The following JOSD2 variants were observed in gnomAD, a reference collection of about 807,000 sequenced individuals.
JOSD2 encodes josephin-2.
JOSD2 carries 20 observed loss-of-function variants against 19.3 expected under a neutral mutation model. The observed-to-expected ratio is 1.04, with a 90% CI of 0.73 to 1.51. The LOEUF (loss-of-function observed/expected upper bound fraction) is 1.51. Ranked by LOEUF, JOSD2 falls within the 40% of genes most tolerant of loss-of-function variation. The probability of loss-of-function intolerance (pLI) is 0.00; values close to 1 mark genes in which losing one functional copy is unlikely to be tolerated. For missense variants in JOSD2, 215 were observed against 250.4 expected, an observed-to-expected ratio of 0.86 and a Z score of 0.95; for synonymous variants, 118 against 123.7, an observed-to-expected ratio of 0.95 and a Z score of 0.31.
chr19:50,507,845 C>G, intron 2 of JOSD2, 146 bp from the exon 3 acceptor site: 1 of 999,176 alleles, frequency 1.0e-6, no homozygotes, highest in East Asian at 2.6e-5. Context: ...AGTCCTGCCT[C>G]TCCTGCCCCA....
chr19:50,510,102 G>T, intron 2 of JOSD2, 184 bp downstream of exon 2: 1 of 605,960 alleles, frequency 1.7e-6, no homozygotes, highest in Non-Finnish European at 2.9e-6. Context: ...GGCTGGGGCT[G>T]AGGCCACAGG....
intron 1 of JOSD2, 188 bp downstream of exon 1, chr19:50,510,929 A>G: frequency 2.8e-6 from 1 of 354,436 alleles, no homozygotes; most frequent in Non-Finnish European, 5.7e-6. Flanking sequence ...TTCCCCGGTC[A>G]TGTAGCAGCG....
At chr19:50,507,497 C>A in intron 3 of JOSD2, 77 bp downstream of exon 3, 2 of 1,508,920 alleles carry the variant, frequency 1.3e-6, no homozygotes, top group Non-Finnish European at 1.8e-6. Context: ...ATTCCCCTCC[C>A]TGCCCCCCAA....
Position 50,506,255 on chromosome 19 carries a change from G to T in JOSD2, c.485C>A (p.Ala162Glu). The T allele has an allele frequency of 6.2e-7, 1 of 1,612,622 alleles. No homozygotes were observed. Among genetic ancestry groups the T allele is most frequent in the Non-Finnish European group, 8.5e-7 (1 of 1,179,788 alleles). ...EDGVRAFLAA[A>E]LAQGLCEVLL... ...CACCTCGCACAGGCCCTGGGCCAGCGCAGCCGCCAGGAAGGCCCTGGGTGG... is the reference window on the plus strand; with the variant it reads ...CACCTCGCACAGGCCCTGGGCCAGCTCAGCCGCCAGGAAGGCCCTGGGTGG... Residue 162 changes from alanine (A) to glutamate (E), a missense_variant, in exon 5 of 5, where the codon GCG (alanine) becomes GAG (glutamate). Coordinates refer to ENST00000598418, the MANE Select transcript of JOSD2 (RefSeq NM_001270639.2).
At chr19:50,510,584 C>T (rs548641609) in intron 1 of JOSD2, 136 bp from the exon 2 acceptor site, 2 of 736,494 alleles carry the variant, frequency 2.7e-6, no homozygotes, top group Non-Finnish European at 2.2e-6. Flanking sequence ...CCCCTGACCC[C>T]GCTCCCTGGC....
rs975519981 is a variant in JOSD2, at chr19:50,506,675, T to A, written c.273-103A>T. 4.7e-6 allele frequency: 5 copies of A among 1,058,130 alleles called. No individual in the cohort carries two copies. In the South Asian group the frequency reaches 8.3e-5, roughly 17 times the overall value. 65.5% of individuals were successfully genotyped at this position (1,058,130 alleles called of 1,614,324 possible). A position where few individuals can be genotyped will look rare whatever the true frequency, so the allele number is the denominator to read the frequency against. ...CAGGCTGGTGGTGGTGAGGGCCTCC[T>A]GAGCCCACCCAGAGGTGTTCCTTAA... On this transcript the variant is annotated intron_variant, in intron 3 of 4. Transcript: ENST00000598418.
At position 50,506,051 on chromosome 19, in the gene JOSD2, GT is replaced by G; in HGVS notation, c.*121del. 2.3e-6 allele frequency: 2 copies of G among 870,938 alleles called. No homozygotes were observed. Among genetic ancestry groups the G allele is most frequent in the Non-Finnish European group, 3.6e-6 (2 of 562,830 alleles). 54.0% of individuals were successfully genotyped at this position (870,938 alleles called of 1,614,324 possible). ...AGCAGCGGCAGTGGGGAGCAGGGGTGTGGGGAGGGGGCGGGGCCTCCCCAGG... is the reference window on the plus strand; with the variant it reads ...AGCAGCGGCAGTGGGGAGCAGGGGTGGGGGAGGGGGCGGGGCCTCCCCAGG... On this transcript the variant is annotated 3_prime_UTR_variant, in exon 5 of 5. Transcript: ENST00000598418.
chr19:50,506,867 T>C (rs1337085566), intron 3 of JOSD2, among the ~76,000 whole-genome samples: 1 of 140,706 alleles, frequency 7.1e-6, no homozygotes, highest in Non-Finnish European at 1.5e-5. Flanking sequence ...ACCCTGTCTG[T>C]CCAGCCACCC....
chr19:50,509,438 T>C (rs978838816), intron 2 of JOSD2, among the ~76,000 whole-genome samples: 3 of 151,960 alleles, frequency 2.0e-5, no homozygotes, highest in African/African-American at 7.3e-5. Flanking sequence ...GAACATTCCA[T>C]GCTGGCAGAG....
At chr19:50,507,931 G>T (rs1480170302) in intron 2 of JOSD2, 1 of 490,908 alleles carries the variant, frequency 2.0e-6, no homozygotes, top group African/African-American at 2.6e-5. Context: ...CTCCTGCCCC[G>T]ACTCTGCCCT....
chr19:50,509,861 G>A (rs74732309), intron 2 of JOSD2, among the ~76,000 whole-genome samples: 35,774 of 151,390 alleles, frequency 0.24, 4,284 homozygotes, highest in Middle Eastern at 0.29. Context: ...AGACCATCCC[G>A]GCTAACATGG....
At chr19:50,506,610 G>A in intron 3 of JOSD2, 38 bp from the exon 4 acceptor site, 1 of 1,450,948 alleles carries the variant, frequency 6.9e-7, no homozygotes, top group Non-Finnish European at 9.1e-7. Flanking sequence ...ATCAGGGCCT[G>A]CTCCGCCCGC....
At chr19:50,508,890 C>G (rs1199678908) in intron 2 of JOSD2, among the ~76,000 whole-genome samples, 1 of 152,042 alleles carries the variant, frequency 6.6e-6, no homozygotes, top group African/African-American at 2.4e-5. Context: ...GGCTGGGACT[C>G]TTAAGATGTC....
At chr19:50,510,532 T>C in intron 1 of JOSD2, 84 bp from the exon 2 acceptor site, 2 of 1,323,650 alleles carry the variant, frequency 1.5e-6, no homozygotes, top group African/African-American at 1.5e-5. Flanking sequence ...GGCATCGCCA[T>C]TGATTGAGCT....
intron 2 of JOSD2, among the ~76,000 whole-genome samples, chr19:50,508,667 C>T (rs139922747): frequency 6.6e-6 from 1 of 151,440 alleles, no homozygotes; most frequent in Non-Finnish European, 1.5e-5. Context: ...TATCTGGACC[C>T]TGGGCAGGCA....
rs371488730 is a variant in JOSD2, at chr19:50,507,675, G to A, written c.171C>T (p.Asn57=). The change falls in exon 3 of 5, where the codon AAC becomes AAT. Residue 57 remains asparagine (N), a synonymous_variant. Transcript: ENST00000598418. ...CKRLAPDSRL[N]PHRSLLGTGN... ...CGGTGCCCAGGAGGCTGCGATGAGG[G>A]TTCAGCCGGGAGTCTGGGGCCAACC... The A allele has an allele frequency of 9.3e-6, 15 of 1,611,900 alleles. No individual in the cohort carries two copies. The highest frequency in any genetic ancestry group is 1.1e-5 in the Non-Finnish European group (13 of 1,179,852).
At position 50,508,846 on chromosome 19, in the gene JOSD2, G is replaced by A. The variant is rs576303163; in HGVS notation, c.147-1147C>T. On this transcript the variant is annotated intron_variant, in intron 2 of 4. Coordinates refer to ENST00000598418, the MANE Select transcript of JOSD2 (RefSeq NM_001270639.2). ...TGGGTCCTTGTTGCGAATGATAGAG[G>A]AGATGACTAAATACCATAATAATCA... is the stretch of plus-strand genomic sequence containing the variant. Among the ~76,000 whole-genome samples, 454 of 152,164 alleles carry A rather than the reference G, an allele frequency of 3.0e-3. 3 individuals are homozygous for A. The highest frequency in any genetic ancestry group is 4.8e-3 in the Admixed American group (73 of 15,260).
chr19:50,510,393 G>A lies in JOSD2; in HGVS notation c.39C>T (p.Thr13=). 5.6e-6 allele frequency: 9 copies of A among 1,613,038 alleles called. No individual in the cohort carries two copies. Among genetic ancestry groups the A allele is most frequent in the Non-Finnish European group, 7.6e-6 (9 of 1,179,676 alleles). ...QAPGAQPSPP[T]VYHERQRLEL... ...CCAGGCGCTGCCGTTCGTGGTACAC[G>A]GTGGGTGGGCTCGGCTGTGCTCCCG... The change falls in exon 2 of 5, where the codon ACC becomes ACT. Residue 13 remains threonine, a synonymous_variant. Transcript: ENST00000598418.
chr19:50,510,810 G>A (rs1238377562), intron 1 of JOSD2, among the ~76,000 whole-genome samples: 1 of 150,202 alleles, frequency 6.7e-6, no homozygotes, highest in Non-Finnish European at 1.5e-5. Flanking sequence ...CCTCCCCACC[G>A]CACTAGGTAA....
Sources: gnomAD v4.1 joint callset for allele counts (sites outside exome capture counted in the v4.1 genomes callset) on GRCh38, gnomAD v4.1.1 for gene constraint, MANE v1.5 for transcripts, NCBI Gene and HGNC (gene_info 2026-07-23, HGNC 2026-07-21) for gene names.